CHM: variants seen among roughly 807,000 people sequenced by gnomAD.
The protein encoded by CHM is rab proteins geranylgeranyltransferase component A 1.
In CHM, 10 loss-of-function variants were observed where a neutral mutation model predicts 49.0. The ratio of observed to expected loss-of-function variants is 0.20; its 90% confidence interval spans 0.13 to 0.35. The LOEUF is 0.35. Ranked by LOEUF, CHM falls within the 10% of genes least tolerant of loss-of-function variation. The pLI is 1.00. For missense variants in CHM, 455 were observed against 478.4 expected, an observed-to-expected ratio of 0.95 and a Z score of 0.46; for synonymous variants, 184 against 167.5, an observed-to-expected ratio of 1.10 and a Z score of -0.76.
At chrX:85,948,128 G>A (rs917574986) in intron 8 of CHM, among the ~76,000 whole-genome samples, 1 of 111,618 alleles carries the variant, frequency 9.0e-6, no homozygotes, top group Non-Finnish European at 1.9e-5. Context: ...CCAATTAACA[G>A]GTTATAAATA....
rs749482551 is a variant in CHM, at chrX:86,027,476, C to T, written c.116+15G>A. 3.1e-5 allele frequency: 36 copies of T among 1,180,146 alleles called. No homozygotes were observed. The highest frequency in any genetic ancestry group is 3.1e-5 in the Non-Finnish European group (27 of 867,228). The stretch of plus-strand genomic sequence containing the variant: ...ATATTTAGGAAATATTAAATGCTAT[C>T]GTTGATAAACTTACGAATCAACATG... On this transcript the variant is annotated intron_variant, in intron 2 of 14. Transcript: ENST00000357749.
At chrX:85,894,753 C>T (rs1789417597) in intron 11 of CHM, among the ~76,000 whole-genome samples, 1 of 111,648 alleles carries the variant, frequency 9.0e-6, no homozygotes, top group African/African-American at 3.3e-5. Flanking sequence ...ATAAGGGATA[C>T]TCAATCTGTA....
At chrX:85,988,620 G>C (rs754978957) in intron 2 of CHM, among the ~76,000 whole-genome samples, 6 of 111,649 alleles carry the variant, frequency 5.4e-5, no homozygotes, top group Non-Finnish European at 1.1e-4. Flanking sequence ...GGGCCCAAAA[G>C]CTCCTTCAGC....
chrX:85,879,867 G>A (rs769211408), intron 12 of CHM, among the ~76,000 whole-genome samples: 48 of 109,792 alleles, frequency 4.4e-4, no homozygotes, highest in African/African-American at 1.6e-3. Context: ...TACCAGTACC[G>A]AGAAATTCCT....
intron 2 of CHM, among the ~76,000 whole-genome samples, chrX:86,014,921 TA>T (rs774859667): frequency 3.5e-3 from 390 of 111,001 alleles, no homozygotes; most frequent in Non-Finnish European, 6.6e-3. Flanking sequence ...CAATAAGGAT[TA>T]AAAAAATAAG....
chrX:85,871,320 A>AAAAAAAAAAAAAAAAAAAAG lies in CHM; in HGVS notation c.1770+1731_1770+1732insCTTTTTTTTTTTTTTTTTTT, dbSNP rs1487188345. 6.4e-4 allele frequency among the ~76,000 whole-genome samples: 66 copies of AAAAAAAAAAAAAAAAAAAAG among 102,965 alleles called. 2 individuals are homozygous for AAAAAAAAAAAAAAAAAAAAG. Among genetic ancestry groups the AAAAAAAAAAAAAAAAAAAAG allele is most frequent in the African/African-American group, 2.4e-3 (63 of 26,383 alleles). The allele number at this position is 102,965 out of a possible 115,157, so 89.4% of individuals were successfully genotyped here. A position where few individuals can be genotyped will look rare whatever the true frequency, so the allele number is the denominator to read the frequency against. On this transcript the variant is annotated intron_variant, in intron 14 of 14. Transcript: ENST00000357749. ...AGACTGTCTCAAAAAAAAAAAAAAA[A>AAAAAAAAAAAAAAAAAAAAG]AAGAAGAAATCTGCATGGGCTTGTG...
intron 9 of CHM, among the ~76,000 whole-genome samples, chrX:85,910,082 T>A (rs1006160537): frequency 8.9e-6 from 1 of 111,851 alleles, no homozygotes; most frequent in African/African-American, 3.2e-5. Flanking sequence ...CCGTTTAAAA[T>A]ACGTATCAAT....
chrX:86,026,602 A>G (rs968788064), intron 2 of CHM, among the ~76,000 whole-genome samples: 1 of 111,993 alleles, frequency 8.9e-6, no homozygotes, highest in African/African-American at 3.2e-5. Flanking sequence ...TTGCTCCCAA[A>G]TCTTAGCTAT....
At chrX:85,932,808 T>C (rs1307496577) in intron 8 of CHM, among the ~76,000 whole-genome samples, 3 of 111,300 alleles carry the variant, frequency 2.7e-5, no homozygotes, top group Non-Finnish European at 5.7e-5. Context: ...ATGGAAAGAG[T>C]GAGGCCTAAC....
intron 9 of CHM, among the ~76,000 whole-genome samples, chrX:85,906,959 C>T (rs181595372): frequency 1.8e-4 from 20 of 110,939 alleles, no homozygotes; most frequent in Admixed American, 1.4e-3. Context: ...ATGGCAAAAC[C>T]CGTCTCTACT....
At chrX:85,886,476 T>G (rs1245457106) in intron 12 of CHM, among the ~76,000 whole-genome samples, 1 of 111,813 alleles carries the variant, frequency 8.9e-6, no homozygotes, top group Non-Finnish European at 1.9e-5. Context: ...AACTATATAA[T>G]TTGCCCATAA....
At chrX:85,889,495 C>G (rs1367238841) in intron 12 of CHM, among the ~76,000 whole-genome samples, 2 of 111,803 alleles carry the variant, frequency 1.8e-5, no homozygotes, top group African/African-American at 6.5e-5. Flanking sequence ...AATCAAACCA[C>G]AAAGAGACAC....
chrX:86,023,993 C>T (rs959680722), intron 2 of CHM, among the ~76,000 whole-genome samples: 1 of 111,411 alleles, frequency 9.0e-6, no homozygotes, highest in Admixed American at 9.6e-5. Flanking sequence ...ATGATAAATG[C>T]CATGGCACTC....
At chrX:85,903,240 A>C (rs2148157063) in intron 9 of CHM, among the ~76,000 whole-genome samples, 1 of 111,630 alleles carries the variant, frequency 9.0e-6, no homozygotes, top group South Asian at 3.7e-4. Context: ...TGTTCTCTTG[A>C]AATTCCTTCC....
At chrX:85,934,972 T>C (rs977316756) in intron 8 of CHM, among the ~76,000 whole-genome samples, 8 of 111,909 alleles carry the variant, frequency 7.1e-5, no homozygotes, top group African/African-American at 1.3e-4. Flanking sequence ...CAGAGAAGTT[T>C]TACCAAATAA....
At chrX:85,902,871 A>AG (rs1467416096) in intron 9 of CHM, among the ~76,000 whole-genome samples, 3 of 111,709 alleles carry the variant, frequency 2.7e-5, no homozygotes, top group Non-Finnish European at 5.7e-5. Flanking sequence ...GAGACTATGT[A>AG]AAGTCAAGAG....
chrX:85,951,739 A>G (rs1929757729), intron 8 of CHM, among the ~76,000 whole-genome samples: 1 of 112,011 alleles, frequency 8.9e-6, no homozygotes, highest in Non-Finnish European at 1.9e-5. Context: ...ACTACACACA[A>G]AAAAAGAACC....
chrX:85,952,389 T>C (rs1026482305), intron 8 of CHM, among the ~76,000 whole-genome samples: 3 of 110,456 alleles, frequency 2.7e-5, no homozygotes, highest in African/African-American at 9.9e-5. Flanking sequence ...CACAATAAGA[T>C]AGGACACCAG....
chrX:85,929,304 A>G (rs1211938677), intron 8 of CHM, among the ~76,000 whole-genome samples: 1 of 111,685 alleles, frequency 9.0e-6, no homozygotes, highest in African/African-American at 3.3e-5. Flanking sequence ...ATCCATTCCC[A>G]TCATATTCTG....
Sources: allele counts gnomAD v4.1 joint callset (sites outside exome capture counted in the v4.1 genomes callset), GRCh38; gene constraint gnomAD v4.1.1; transcripts MANE v1.5; gene names NCBI Gene and HGNC (gene_info 2026-07-23, HGNC 2026-07-21).